Variants in AGBL4 observed in about 807,000 individuals in gnomAD.
AGBL4 encodes cytosolic carboxypeptidase 6.
A neutral mutation model predicts 66.4 loss-of-function variants in AGBL4; 58 were observed. The observed-to-expected ratio is 0.87, with a 90% confidence interval of 0.71 to 1.09. AGBL4 has a LOEUF of 1.09. AGBL4 is among the 50% of genes least tolerant of loss of function. AGBL4 has a pLI of 0.00. For missense variants in AGBL4, 579 were observed against 631.0 expected (o/e 0.92, Z 0.88); for synonymous variants, 234 against 222.9 (o/e 1.05, Z -0.44).
intron 4 of AGBL4, among the ~76,000 whole-genome samples, chr1:49,061,154 C>G (rs550333653): frequency 9.9e-5 from 15 of 152,084 alleles, no homozygotes; most frequent in Non-Finnish European, 1.8e-4. Context: ...CAATCACAGT[C>G]TGAAGTGGAT....
intron 4 of AGBL4, among the ~76,000 whole-genome samples, chr1:49,229,242 A>C (rs1468126090): frequency 6.6e-6 from 1 of 152,236 alleles, no homozygotes; most frequent in Non-Finnish European, 1.5e-5. Flanking sequence ...GGTGTATTAT[A>C]AATAGATTCC....
intron 2 of AGBL4, among the ~76,000 whole-genome samples, chr1:49,709,106 T>C (rs532459714): frequency 2.0e-5 from 3 of 152,326 alleles, no homozygotes; most frequent in Admixed American, 6.5e-5. Context: ...TCTGCTGCTC[T>C]CTTCAGAGCT....
At chr1:48,747,566 C>T (rs536833323) in intron 6 of AGBL4, among the ~76,000 whole-genome samples, 42 of 152,288 alleles carry the variant, frequency 2.8e-4, no homozygotes, top group Admixed American at 2.3e-3. Flanking sequence ...TCTGATTTAA[C>T]GGATAAGCAA....
At chr1:49,646,665 A>G (rs1253386434) in intron 3 of AGBL4, among the ~76,000 whole-genome samples, 2 of 152,020 alleles carry the variant, frequency 1.3e-5, no homozygotes, top group Non-Finnish European at 2.9e-5. Context: ...TTTTTTATAG[A>G]AATATATGAG....
chr1:48,862,707 T>C (rs904665791), intron 6 of AGBL4, among the ~76,000 whole-genome samples: 3 of 152,190 alleles, frequency 2.0e-5, no homozygotes, highest in African/African-American at 7.2e-5. Context: ...TTTGGTTACA[T>C]CACTACACAT....
intron 3 of AGBL4, among the ~76,000 whole-genome samples, chr1:49,287,667 C>A (rs1235136243): frequency 6.6e-6 from 1 of 152,042 alleles, no homozygotes; most frequent in African/African-American, 2.4e-5. Context: ...CAATGAGATA[C>A]CATCTCACAC....
At chr1:49,435,450 G>A (rs573087813) in intron 3 of AGBL4, among the ~76,000 whole-genome samples, 1 of 152,142 alleles carries the variant, frequency 6.6e-6, no homozygotes, top group Non-Finnish European at 1.5e-5. Context: ...TATTTGTTAA[G>A]TAAATAAATG....
intron 1 of AGBL4, among the ~76,000 whole-genome samples, chr1:49,972,179 G>T (rs1658186341): frequency 6.6e-6 from 1 of 151,736 alleles, no homozygotes; most frequent in East Asian, 1.9e-4. Flanking sequence ...AAAGTGCTGG[G>T]ATTACAGGCA....
intron 2 of AGBL4, among the ~76,000 whole-genome samples, chr1:49,700,239 G>A (rs1417997323): frequency 6.6e-6 from 1 of 151,012 alleles, no homozygotes; most frequent in Non-Finnish European, 1.5e-5. Flanking sequence ...TACTAGAAAT[G>A]AATAGGGGTA....
At chr1:49,379,877 G>A (rs988049689) in intron 3 of AGBL4, among the ~76,000 whole-genome samples, 2 of 152,166 alleles carry the variant, frequency 1.3e-5, no homozygotes, top group Non-Finnish European at 2.9e-5. Flanking sequence ...TTGGTATCAG[G>A]ATGATGCTGG....
chr1:48,689,764 G>C (rs1203593994), intron 6 of AGBL4, among the ~76,000 whole-genome samples: 1 of 152,216 alleles, frequency 6.6e-6, no homozygotes, highest in African/African-American at 2.4e-5. Context: ...ATTTAGCCAG[G>C]TGTGGTGGCA....
At chr1:49,265,667 A>G (rs955909252) in intron 3 of AGBL4, among the ~76,000 whole-genome samples, 1 of 152,162 alleles carries the variant, frequency 6.6e-6, no homozygotes, top group Non-Finnish European at 1.5e-5. Flanking sequence ...ATTAAATATA[A>G]TTGCCCAGAC....
chr1:49,361,344 A>G (rs1644130559), intron 3 of AGBL4, among the ~76,000 whole-genome samples: 1 of 151,814 alleles, frequency 6.6e-6, no homozygotes, highest in South Asian at 2.1e-4. Flanking sequence ...ATTAAGAAGT[A>G]CTTTATTTAT....
chr1:48,918,536 T>G (rs1351873321), intron 5 of AGBL4, among the ~76,000 whole-genome samples: 1 of 152,122 alleles, frequency 6.6e-6, no homozygotes. Context: ...TGGGAGGTAA[T>G]TAGGTCATCA....
At chr1:49,798,749 T>C (rs936445551) in intron 2 of AGBL4, among the ~76,000 whole-genome samples, 54 of 152,320 alleles carry the variant, frequency 3.5e-4, no homozygotes, top group African/African-American at 1.2e-3. Context: ...TGCAGTGTTA[T>C]AGTCAAAAAG....
intron 2 of AGBL4, among the ~76,000 whole-genome samples, chr1:49,738,025 G>T (rs1650047595): frequency 6.6e-6 from 1 of 152,198 alleles, no homozygotes; most frequent in Non-Finnish European, 1.5e-5. Flanking sequence ...TGAGGTACCA[G>T]GTTCATTTCA....
At chr1:49,839,456 G>T (rs1645934111) in intron 2 of AGBL4, among the ~76,000 whole-genome samples, 1 of 152,050 alleles carries the variant, frequency 6.6e-6, no homozygotes, top group African/African-American at 2.4e-5. Flanking sequence ...TTATAAGGTG[G>T]CATGTTCTGG....
At chr1:48,531,066 A>C (rs1643902173), downstream of AGBL4, among the ~76,000 whole-genome samples, 1 of 152,192 alleles carries the variant, frequency 6.6e-6, no homozygotes, top group Non-Finnish European at 1.5e-5. Context: ...GAAGCTAAGC[A>C]GGCCAAGACC....
At chr1:49,328,527 T>C (rs1391952123) in intron 3 of AGBL4, among the ~76,000 whole-genome samples, 1 of 152,216 alleles carries the variant, frequency 6.6e-6, no homozygotes, top group East Asian at 1.9e-4. Context: ...AGATCTCATT[T>C]ATTTTCATGA....
Sources: allele counts gnomAD v4.1 joint callset (sites outside exome capture counted in the v4.1 genomes callset), GRCh38; gene constraint gnomAD v4.1.1; transcripts MANE v1.5; gene names NCBI Gene and HGNC (gene_info 2026-07-23, HGNC 2026-07-21).